Variants in TALDO1 observed in about 807,000 individuals in gnomAD.
TALDO1 encodes the protein transaldolase.
A neutral mutation model predicts 38.1 loss-of-function variants in TALDO1; 29 were observed. The ratio of observed to expected loss-of-function variants is 0.76; its 90% CI spans 0.57 to 1.04. The LOEUF (loss-of-function observed/expected upper bound fraction) is 1.04, where lower values mean the gene tolerates loss of function less well. Among genes scored for constraint, TALDO1 ranks in the 50% least tolerant of loss-of-function variants. The pLI is 0.00. For missense variants in TALDO1, 499 were observed against 438.1 expected, an observed-to-expected ratio of 1.14 and a Z score of -1.24; for synonymous variants, 207 against 176.8, an observed-to-expected ratio of 1.17 and a Z score of -1.36.
chr11:752,739 G>A (rs972509671), intron 1 of TALDO1, among the ~76,000 whole-genome samples: 3 of 152,144 alleles, frequency 2.0e-5, no homozygotes, highest in African/African-American at 7.2e-5. Flanking sequence ...TGTATAATAA[G>A]CCAGTACATG....
At chr11:752,929 G>A (rs767052752) in intron 1 of TALDO1, among the ~76,000 whole-genome samples, 3 of 152,202 alleles carry the variant, frequency 2.0e-5, no homozygotes, top group Non-Finnish European at 2.9e-5. Flanking sequence ...TGTGGGATCT[G>A]AGGCTGTCTC....
At chr11:752,694 T>C (rs1862769796) in intron 1 of TALDO1, among the ~76,000 whole-genome samples, 1 of 151,224 alleles carries the variant, frequency 6.6e-6, no homozygotes, top group African/African-American at 2.5e-5. Flanking sequence ...CCTTCTCACA[T>C]GCCTTGCCCT....
chr11:747,626 C>T (rs749878921), intron 1 of TALDO1, 48 bp downstream of exon 1: 2 of 1,453,388 alleles, frequency 1.4e-6, no homozygotes, highest in Admixed American at 4.2e-5. Flanking sequence ...CCTCCAGAGG[C>T]CCCGGCGCCC....
chr11:747,865 G>T (rs1862688054), intron 1 of TALDO1, among the ~76,000 whole-genome samples: 1 of 152,176 alleles, frequency 6.6e-6, no homozygotes, highest in Non-Finnish European at 1.5e-5. Context: ...TGAGGAGCTG[G>T]GGTCAGCCGT....
chr11:749,401 C>CAAAAAAAAAA (rs374829411), intron 1 of TALDO1, among the ~76,000 whole-genome samples: 1 of 110,832 alleles, frequency 9.0e-6, no homozygotes, highest in African/African-American at 3.4e-5. Context: ...AACTCCGTCT[C>CAAAAAAAAAA]AAAAAAAAAA....
At position 748,418 on chromosome 11, in the gene TALDO1, A is replaced by G. The variant is rs796660343; in HGVS notation, c.97+840A>G. Among the ~76,000 whole-genome samples, 69 of 68,654 alleles carry G rather than the reference A, an allele frequency of 1.0e-3. 1 individual carries two copies. The highest frequency in any genetic ancestry group is 6.0e-3 in the African/African-American group (64 of 10,742). The allele number at this position is 68,654 out of a possible 152,430, so 45.0% of individuals were successfully genotyped here. On this transcript the variant is annotated intron_variant, in intron 1 of 7. Coordinates refer to ENST00000319006, the MANE Select transcript of TALDO1 (RefSeq NM_006755.2). Reference sequence around the variant, plus strand: ...ATTGGAGAGAACTTGGAAAATACAAAGAAGGATTATTTATTAATACTTAGC... The same window carrying G: ...ATTGGAGAGAACTTGGAAAATACAAGGAAGGATTATTTATTAATACTTAGC...
intron 4 of TALDO1, among the ~76,000 whole-genome samples, chr11:762,695 C>T (rs1862959532): frequency 6.6e-6 from 1 of 152,266 alleles, no homozygotes; most frequent in Admixed American, 6.5e-5. Context: ...CATCCCATGC[C>T]CCAGCCACAT....
intron 4 of TALDO1, among the ~76,000 whole-genome samples, chr11:762,878 G>C (rs1031478667): frequency 2.6e-5 from 4 of 152,226 alleles, no homozygotes; most frequent in African/African-American, 7.2e-5. Flanking sequence ...AACAGGGTGA[G>C]GACTGGAATG....
chr11:764,594 AGGGTGCATGGCACCCAG>A (rs766114409), intron 7 of TALDO1, 161 bp downstream of exon 7: 3 of 1,357,814 alleles, frequency 2.2e-6, no homozygotes, highest in Non-Finnish European at 3.1e-6. Context: ...CCCAGGGTGG[AGGGTGCATGGCACCCAG>A]GGGTGCCCCC....
Position 763,483 on chromosome 11 carries a change from A to C in TALDO1, c.601A>C (p.Thr201Pro). ...GRILDWHVANTDKKSYEPLED... is the reference protein window; with the variant it reads ...GRILDWHVANPDKKSYEPLED... ...CATCCTTGATTGGCATGTGGCAAAC[A>C]CCGACAAGAAATCCTATGAGCCCCT... Residue 201 changes from threonine to proline, a missense_variant, in exon 5 of 8, where the codon ACC becomes CCC. Coordinates refer to ENST00000319006, the MANE Select transcript of TALDO1 (RefSeq NM_006755.2). The C allele has an allele frequency of 1.2e-6, 2 of 1,613,416 alleles. No homozygotes were observed. Among genetic ancestry groups the C allele is most frequent in the Non-Finnish European group, 1.7e-6 (2 of 1,179,858 alleles).
At chr11:751,802 C>CAAT (rs371535532) in intron 1 of TALDO1, among the ~76,000 whole-genome samples, 4,701 of 151,630 alleles carry the variant, frequency 0.031, 123 homozygotes, top group African/African-American at 0.071. Context: ...CTCAAAATAA[C>CAAT]AATAATAATA....
chr11:759,040 C>T lies in TALDO1; in HGVS notation c.312C>T (p.Ser104=). The stretch of plus-strand genomic sequence containing the variant: ...TAAAGAAGATTCCGGGCCGAGTATC[C>T]ACAGAAGTAGACGCAAGGTAAGGAT... ...EILKKIPGRV[S]TEVDARLSFD... Residue 104 remains serine, a synonymous_variant, in exon 3 of 8, where the codon TCC becomes TCT. Transcript: ENST00000319006. 6.2e-7 allele frequency: 1 copy of T among 1,612,318 alleles called. No homozygotes were observed. Among genetic ancestry groups the T allele is most frequent in the Non-Finnish European group, 8.5e-7 (1 of 1,178,836 alleles).
At chr11:764,784 GAC>G (rs1389111203) in intron 7 of TALDO1, 27 bp from the exon 8 acceptor site, 12 of 1,614,174 alleles carry the variant, frequency 7.4e-6, no homozygotes, top group Non-Finnish European at 1.0e-5. Flanking sequence ...AGGGTGGGGA[GAC>G]ACAGCTCGTG....
chr11:763,978 C>G (rs369725130), intron 6 of TALDO1, 34 bp downstream of exon 6: 2 of 1,599,704 alleles, frequency 1.3e-6, no homozygotes, highest in Non-Finnish European at 8.5e-7. Flanking sequence ...GGCTCCTGCT[C>G]GGGCAAGGCC....
In TALDO1 at chr11:747,575, C is replaced by T; in HGVS notation, c.94C>T (p.His32Tyr). ...TTVVADTGDF[H>Y]AIDEYKPQDA... The stretch of plus-strand genomic sequence containing the variant: ...CGTGGTGGCCGACACGGGCGACTTC[C>T]ACGGTGAGGACGGCGCGGAGCCCGG... The change falls in exon 1 of 8, where the codon CAC becomes TAC. Residue 32 changes from histidine to tyrosine, a missense_variant. By Grantham distance (83) the His-to-Tyr change is moderately conservative (BLOSUM62 2). Transcript: ENST00000319006. 1.9e-6 allele frequency: 3 copies of T among 1,578,490 alleles called. No individual in the cohort carries two copies. Among genetic ancestry groups the T allele is most frequent in the Non-Finnish European group, 2.6e-6 (3 of 1,165,374 alleles).
In TALDO1 at chr11:759,072, T is replaced by C. The variant is rs1250850846; in HGVS notation, c.329+15T>C. 1.2e-6 allele frequency: 2 copies of C among 1,601,990 alleles called. No homozygotes were observed. Among genetic ancestry groups the C allele is most frequent in the South Asian group, 1.1e-5 (1 of 90,930 alleles). On this transcript the variant is annotated intron_variant, in intron 3 of 7. Transcript: ENST00000319006. ...GTAGACGCAAGGTAAGGATGCTTGC[T>C]CCTGCACTGGATGGGCTGGTCAGGT... is the stretch of plus-strand genomic sequence containing the variant.
intron 2 of TALDO1, 125 bp downstream of exon 2, chr11:756,127 T>A: frequency 1.4e-6 from 2 of 1,380,974 alleles, no homozygotes; most frequent in East Asian, 2.5e-5. Flanking sequence ...AAAAACCCTA[T>A]CTTTTTGCCT....
rs541236541 is a variant in TALDO1 at position 758,960 on chromosome 11, G to T, written c.232G>T (p.Asp78Tyr). 2.5e-6 allele frequency: 4 copies of T among 1,611,098 alleles called. No homozygotes were observed. Among genetic ancestry groups the T allele is most frequent in the South Asian group, 1.1e-5 (1 of 91,006 alleles). Residue 78 changes from aspartate (D) to tyrosine (Y), a missense_variant, in exon 3 of 8, where the codon GAC becomes TAC. Coordinates refer to ENST00000319006, the MANE Select transcript of TALDO1 (RefSeq NM_006755.2). ...CCCTTTGAATTTCAGGTCACAAGAGGACCAGATTAAAAATGCTATTGATAA... is the reference window on the plus strand; with the variant it reads ...CCCTTTGAATTTCAGGTCACAAGAGTACCAGATTAAAAATGCTATTGATAA... ...YGRKLGGSQEDQIKNAIDKLF... is the reference protein window; with the variant it reads ...YGRKLGGSQEYQIKNAIDKLF...
intron 4 of TALDO1, among the ~76,000 whole-genome samples, chr11:761,268 G>A (rs1376805272): frequency 6.6e-6 from 1 of 151,248 alleles, no homozygotes; most frequent in Non-Finnish European, 1.5e-5. Flanking sequence ...CCTGGGAGGT[G>A]GACGTTGCAG....
Sources: gnomAD v4.1 joint callset for allele counts (sites outside exome capture counted in the v4.1 genomes callset) on GRCh38, gnomAD v4.1.1 for gene constraint, MANE v1.5 for transcripts, NCBI Gene and HGNC (gene_info 2026-07-23, HGNC 2026-07-21) for gene names.